MTSS1: variants seen among roughly 807,000 people sequenced by gnomAD.
MTSS1 encodes protein MTSS 1.
A neutral mutation model predicts 79.0 loss-of-function variants in MTSS1; 18 were observed. That is an observed-to-expected ratio of 0.23 (90% CI 0.16 to 0.34). MTSS1 has a LOEUF of 0.34. Ranked by LOEUF, MTSS1 falls within the 10% of genes least tolerant of loss-of-function variation. The probability of loss-of-function intolerance (pLI) is 1.00; values close to 1 mark genes in which losing one functional copy is unlikely to be tolerated. For synonymous variants in MTSS1, 341 were observed against 368.6 expected (o/e 0.93, Z 0.86); for missense variants, 815 against 986.2 (o/e 0.83, Z 2.33).
chr8:124,641,337 G>A (rs189499886), intron 3 of MTSS1, among the ~76,000 whole-genome samples: 5 of 152,308 alleles, frequency 3.3e-5, no homozygotes, highest in African/African-American at 9.6e-5. Flanking sequence ...AAATAAAGCC[G>A]TGTTAGAGAA....
In MTSS1 at chr8:124,562,978, A is replaced by G; in HGVS notation, c.839T>C (p.Val280Ala). Residue 280 changes from valine to alanine, a missense_variant, in exon 10 of 14, where the codon GTC (valine) becomes GCC (alanine). Around this residue, in one of 2 missense-constraint regions of MTSS1, gnomAD observed 225 missense variants for 365.4 expected, o/e 0.62. Coordinates refer to ENST00000518547, the MANE Select transcript of MTSS1 (RefSeq NM_014751.6). The part of the protein sequence containing the change: ...KSSVCSSLNS[V>A]NSSDSRSSGS... ...GCTGGACCGGGAGTCACTGCTGTTGACACTGTTCAGGCTGCTGTGGAGGAC... is the reference window on the plus strand; with the variant it reads ...GCTGGACCGGGAGTCACTGCTGTTGGCACTGTTCAGGCTGCTGTGGAGGAC... 6.2e-7 allele frequency: 1 copy of G among 1,609,112 alleles called. No homozygotes were observed. Among genetic ancestry groups the G allele is most frequent in the Non-Finnish European group, 8.5e-7 (1 of 1,178,172 alleles).
chr8:124,596,149 T>G (rs1188747436), intron 3 of MTSS1, among the ~76,000 whole-genome samples: 1 of 152,210 alleles, frequency 6.6e-6, no homozygotes, highest in Non-Finnish European at 1.5e-5. Flanking sequence ...CTGCTCTTCC[T>G]CTGGGCCTGG....
At chr8:124,689,472 G>A (rs1039821807) in intron 3 of MTSS1, among the ~76,000 whole-genome samples, 7 of 151,684 alleles carry the variant, frequency 4.6e-5, no homozygotes, top group African/African-American at 7.3e-5. Flanking sequence ...TTGGCTGGGC[G>A]TGGTGGCTCA....
intron 3 of MTSS1, among the ~76,000 whole-genome samples, chr8:124,648,713 C>G (rs926743168): frequency 2.0e-5 from 3 of 151,458 alleles, no homozygotes; most frequent in Admixed American, 1.3e-4. Flanking sequence ...ATAGCAGCCC[C>G]CCCCCAGATA....
At chr8:124,696,414 T>C (rs1258694038) in intron 3 of MTSS1, among the ~76,000 whole-genome samples, 2 of 151,508 alleles carry the variant, frequency 1.3e-5, no homozygotes, top group South Asian at 2.1e-4. Context: ...CTGTAAAATA[T>C]ACCTTCTTTC....
chr8:124,692,674 G>C (rs1828148703), intron 3 of MTSS1, among the ~76,000 whole-genome samples: 1 of 152,114 alleles, frequency 6.6e-6, no homozygotes, highest in African/African-American at 2.4e-5. Context: ...CTTTGCACCA[G>C]AGACTTGACC....
chr8:124,553,395 G>C lies in MTSS1; in HGVS notation c.1865C>G (p.Thr622Ser), dbSNP rs1238540045. ...CAACACCCCTGGGAGGTCTGGGACG[G>C]TTGGGGTCTTGACAGGGATCACGGG... ...KTPVIPVKTP[T>S]VPDLPGVLPA... The change falls in exon 14 of 14, where the codon ACC becomes AGC. Residue 622 changes from threonine (T) to serine (S), a missense_variant. Thr to Ser is a moderately conservative substitution (Grantham distance 58). Coordinates refer to ENST00000518547, the MANE Select transcript of MTSS1 (RefSeq NM_014751.6). This position sits in a 1 kb window ranked among gnomAD's most constrained non-coding sequence, Gnocchi z 6.0. The C allele has an allele frequency of 6.2e-7, 1 of 1,608,732 alleles. No individual in the cohort carries two copies. Among genetic ancestry groups the C allele is most frequent in the South Asian group, 1.1e-5 (1 of 90,838 alleles).
intron 5 of MTSS1, among the ~76,000 whole-genome samples, chr8:124,586,069 C>T (rs986137909): frequency 1.3e-5 from 2 of 152,182 alleles, no homozygotes; most frequent in Non-Finnish European, 2.9e-5. Flanking sequence ...CTGGCCCATT[C>T]GCAGACTGCC....
intron 1 of MTSS1, among the ~76,000 whole-genome samples, chr8:124,709,376 G>A (rs1184873293): frequency 3.9e-5 from 6 of 152,042 alleles, no homozygotes; most frequent in East Asian, 1.9e-4. Flanking sequence ...TCCCAGAGCC[G>A]TGAAAACAAT....
intron 10 of MTSS1, among the ~76,000 whole-genome samples, chr8:124,562,348 G>A (rs530458291): frequency 6.6e-6 from 1 of 152,318 alleles, no homozygotes; most frequent in African/African-American, 2.4e-5. Context: ...GAACCTGAGA[G>A]CGCCAAGGGA....
intron 3 of MTSS1, among the ~76,000 whole-genome samples, chr8:124,644,672 C>A (rs1587538015): frequency 6.6e-6 from 1 of 152,180 alleles, no homozygotes; most frequent in East Asian, 1.9e-4. Flanking sequence ...GGTTTCCAGG[C>A]CTAAATCTAA....
intron 3 of MTSS1, among the ~76,000 whole-genome samples, chr8:124,626,396 G>T (rs1814671452): frequency 6.6e-6 from 1 of 152,096 alleles, no homozygotes; most frequent in African/African-American, 2.4e-5. Context: ...CAGCTACTCG[G>T]GAAGCTGAGG....
intron 6 of MTSS1, among the ~76,000 whole-genome samples, chr8:124,572,999 G>A (rs542494816): frequency 5.3e-5 from 8 of 152,114 alleles, no homozygotes; most frequent in East Asian, 1.9e-4. Flanking sequence ...CACCTGCCTC[G>A]GCCTCCCAAA....
intron 3 of MTSS1, among the ~76,000 whole-genome samples, chr8:124,599,013 C>T (rs1016493347): frequency 6.6e-6 from 1 of 152,228 alleles, no homozygotes; most frequent in African/African-American, 2.4e-5. Context: ...AAACAGCCAG[C>T]CCCAAAGTGT....
At chr8:124,629,526 A>G (rs1452340657) in intron 3 of MTSS1, among the ~76,000 whole-genome samples, 3 of 149,656 alleles carry the variant, frequency 2.0e-5, no homozygotes, top group East Asian at 2.0e-4. Flanking sequence ...AAAAAAAAAA[A>G]GAAAAGAAAA....
intron 3 of MTSS1, among the ~76,000 whole-genome samples, chr8:124,592,961 G>C (rs13257822): frequency 0.59 from 89,970 of 152,078 alleles, 27,048 homozygotes; most frequent in East Asian, 0.72. Context: ...GTTGAAACCA[G>C]TGCTGTAAAA....
At chr8:124,567,646 G>A in intron 7 of MTSS1, 1 of 1,389,956 alleles carries the variant, frequency 7.2e-7, no homozygotes, top group Non-Finnish European at 9.3e-7. Flanking sequence ...TGCTTTTCCA[G>A]CAACTTAGTA....
At position 124,651,643 on chromosome 8, in the gene MTSS1, C is replaced by T. The variant is rs537584732; in HGVS notation, c.208+47883G>A. Among the ~76,000 whole-genome samples, 9 of 152,266 alleles carry T rather than the reference C, an allele frequency of 5.9e-5. No homozygotes were observed. In the South Asian group the frequency reaches 6.2e-4, roughly 11 times the overall value. On this transcript the variant is annotated intron_variant, in intron 3 of 13. Coordinates refer to ENST00000518547, the MANE Select transcript of MTSS1 (RefSeq NM_014751.6). ...GCATTTGCAAGAAAAGCAGTTATTTCGGTTTTCCTGGGACATAAGTCTCCA... is the reference window on the plus strand; with the variant it reads ...GCATTTGCAAGAAAAGCAGTTATTTTGGTTTTCCTGGGACATAAGTCTCCA...
At chr8:124,637,028 G>A (rs182972272) in intron 3 of MTSS1, among the ~76,000 whole-genome samples, 1 of 152,304 alleles carries the variant, frequency 6.6e-6, no homozygotes, top group Admixed American at 6.5e-5. Flanking sequence ...ATCTTTTGCT[G>A]TGTGCCCTAT....
Sources: gnomAD v4.1 joint callset for allele counts (sites outside exome capture counted in the v4.1 genomes callset) on GRCh38, gnomAD v4.1.1 for gene constraint, gnomAD v4.1.1 regional missense constraint, Gnocchi (gnomAD v3.1) non-coding constraint, MANE v1.5 for transcripts, NCBI Gene and HGNC (gene_info 2026-07-23, HGNC 2026-07-21) for gene names.